The following STK4 variants were observed in gnomAD, a reference collection of about 807,000 sequenced individuals.
STK4 encodes the protein serine/threonine-protein kinase 4.
Under a neutral mutation model 64.9 loss-of-function variants are expected in STK4, and 30 were observed. That is an observed-to-expected ratio of 0.46 (90% CI 0.35 to 0.63). The LOEUF (loss-of-function observed/expected upper bound fraction) is 0.63. Among genes scored for constraint, STK4 ranks in the 20% least tolerant of loss-of-function variants. The pLI is 0.01. For synonymous variants in STK4, 177 were observed against 199.0 expected (o/e 0.89, Z 0.93); for missense variants, 466 against 598.5 (o/e 0.78, Z 2.31).
intron 2 of STK4, among the ~76,000 whole-genome samples, chr20:44,975,912 TC>T (rs2067331621): frequency 6.6e-6 from 1 of 151,942 alleles, no homozygotes; most frequent in Non-Finnish European, 1.5e-5. Flanking sequence ...GAAAATGAAA[TC>T]CATGCAAGGA....
intron 10 of STK4, among the ~76,000 whole-genome samples, chr20:45,046,688 TA>T (rs1242541426): frequency 2.0e-5 from 3 of 151,860 alleles, no homozygotes; most frequent in East Asian, 3.9e-4. Flanking sequence ...TTTATTTATT[TA>T]TTTTTTTTCC....
chr20:44,977,266 T>C (rs2067355838), intron 2 of STK4, among the ~76,000 whole-genome samples: 1 of 152,256 alleles, frequency 6.6e-6, no homozygotes. Context: ...AATATTTTTA[T>C]GTGCTCTGCA....
intron 10 of STK4, 33 bp downstream of exon 10, chr20:45,025,163 T>C: frequency 1.3e-6 from 2 of 1,580,210 alleles, no homozygotes; most frequent in Admixed American, 3.7e-5. Flanking sequence ...GGTTATGTCT[T>C]CAGGGGAAGT....
chr20:45,041,549 T>G (rs2068613857), intron 10 of STK4, among the ~76,000 whole-genome samples: 1 of 152,240 alleles, frequency 6.6e-6, no homozygotes, highest in African/African-American at 2.4e-5. Context: ...TTAGGTTGTT[T>G]GCAACAGTTT....
intron 9 of STK4, among the ~76,000 whole-genome samples, chr20:45,011,731 T>TATATATATATATATATATATATATA (rs1428985946): frequency 6.4e-4 from 52 of 81,130 alleles, no homozygotes; most frequent in South Asian, 7.9e-4. Flanking sequence ...ATATATATAT[T>TATATATATATATATATATATATATA]TTTTTTTTTT....
At chr20:45,060,684 A>G (rs2145459202) in intron 10 of STK4, among the ~76,000 whole-genome samples, 1 of 152,280 alleles carries the variant, frequency 6.6e-6, no homozygotes, top group Admixed American at 6.5e-5. Context: ...TATTTCTTGG[A>G]CTGTTGTGAG....
At chr20:45,019,319 G>A (rs1015060279) in intron 9 of STK4, among the ~76,000 whole-genome samples, 9 of 152,116 alleles carry the variant, frequency 5.9e-5, no homozygotes, top group East Asian at 3.8e-4. Flanking sequence ...TGAGAATGGC[G>A]TCTTTCATTT....
chr20:44,975,523 T>A (rs2067324846), intron 2 of STK4: 1 of 267,668 alleles, frequency 3.7e-6, no homozygotes, highest in Non-Finnish European at 5.7e-6. Context: ...TAGACAGCTA[T>A]GGACAAGGGA....
intron 10 of STK4, among the ~76,000 whole-genome samples, chr20:45,035,675 C>T (rs151241704): frequency 7.2e-5 from 11 of 152,190 alleles, no homozygotes; most frequent in East Asian, 5.8e-4. Flanking sequence ...TTATCTTACC[C>T]GTCTTTGTAT....
chr20:45,040,081 G>A (rs1032142316), intron 10 of STK4, among the ~76,000 whole-genome samples: 17 of 147,746 alleles, frequency 1.2e-4, no homozygotes, highest in Non-Finnish European at 2.2e-4. Flanking sequence ...TATTTCATAG[G>A]TGGTATGTAT....
intron 4 of STK4, among the ~76,000 whole-genome samples, chr20:44,985,627 G>A (rs565094715): frequency 2.6e-5 from 4 of 152,334 alleles, no homozygotes; most frequent in Non-Finnish European, 4.4e-5. Flanking sequence ...ACAGGCATGT[G>A]CCACTGTGCT....
intron 10 of STK4, among the ~76,000 whole-genome samples, chr20:45,047,375 A>G (rs2068712622): frequency 6.6e-6 from 1 of 152,208 alleles, no homozygotes; most frequent in Non-Finnish European, 1.5e-5. Flanking sequence ...TTGTGTGAGA[A>G]TGGTTATATA....
chr20:45,039,318 T>TA (rs1038353963), intron 10 of STK4, among the ~76,000 whole-genome samples: 2 of 152,016 alleles, frequency 1.3e-5, no homozygotes, highest in African/African-American at 4.8e-5. Flanking sequence ...TTAAACAATA[T>TA]AAAAAAACCC....
chr20:44,978,337 G>A (rs2067374972), intron 2 of STK4, 106 bp from the exon 3 acceptor site: 1 of 1,351,152 alleles, frequency 7.4e-7, no homozygotes, highest in Non-Finnish European at 9.9e-7. Context: ...TATGTATTAG[G>A]CACTTAGGGA....
intron 10 of STK4, among the ~76,000 whole-genome samples, chr20:45,028,697 TTGTA>T (rs2068395368): frequency 6.6e-6 from 1 of 152,196 alleles, no homozygotes; most frequent in Non-Finnish European, 1.5e-5. Context: ...TGTTGCCCAT[TTGTA>T]TGTCTTTTGA....
chr20:45,028,819 A>G (rs1204264200), intron 10 of STK4, among the ~76,000 whole-genome samples: 1 of 152,200 alleles, frequency 6.6e-6, no homozygotes, highest in Non-Finnish European at 1.5e-5. Flanking sequence ...GTTTTCTCAT[A>G]CTAAGATCAT....
At position 44,966,519 on chromosome 20, in the gene STK4, C is replaced by T. The variant is rs2067152172; in HGVS notation, c.-50C>T. 4.8e-6 allele frequency: 6 copies of T among 1,253,040 alleles called. No individual in the cohort carries two copies. The highest frequency in any genetic ancestry group is 4.2e-5 in the Admixed American group (1 of 23,730). 77.6% of individuals were successfully genotyped at this position (1,253,040 alleles called of 1,614,324 possible). A position where few individuals can be genotyped will look rare whatever the true frequency, so the allele number is the denominator to read the frequency against. On this transcript the variant is annotated 5_prime_UTR_variant, in exon 1 of 11. Coordinates refer to ENST00000372806, the MANE Select transcript of STK4 (RefSeq NM_006282.5). Reference sequence around the variant, plus strand: ...GGTCTGCGGGGCGGGCTCAGGAGGTCCGCGGGAGGATGGAGCAGTGAGCGG... The same window carrying T: ...GGTCTGCGGGGCGGGCTCAGGAGGTTCGCGGGAGGATGGAGCAGTGAGCGG...
At chr20:45,055,868 G>A (rs932637145) in intron 10 of STK4, among the ~76,000 whole-genome samples, 1 of 151,974 alleles carries the variant, frequency 6.6e-6, no homozygotes, top group Admixed American at 6.6e-5. Context: ...GAGTAGCTGG[G>A]ACTAGAGGTG....
At chr20:45,010,918 T>G (rs2068033024) in intron 9 of STK4, among the ~76,000 whole-genome samples, 1 of 152,204 alleles carries the variant, frequency 6.6e-6, no homozygotes, top group Non-Finnish European at 1.5e-5. Context: ...GAATTTGTTT[T>G]GGATGTATGT....
Sources: gnomAD v4.1 joint callset for allele counts (sites outside exome capture counted in the v4.1 genomes callset) on GRCh38, gnomAD v4.1.1 for gene constraint, MANE v1.5 for transcripts, NCBI Gene and HGNC (gene_info 2026-07-23, HGNC 2026-07-21) for gene names.